Variants in TMEM63C observed in about 807,000 individuals in gnomAD.
The protein encoded by TMEM63C is transmembrane protein 63C, also known as osmosensitive cation channel TMEM63C.
A neutral mutation model predicts 99.2 loss-of-function variants in TMEM63C; 32 were observed. The observed-to-expected ratio is 0.32, with a 90% CI of 0.24 to 0.43. TMEM63C has a LOEUF of 0.43. TMEM63C is among the 20% of genes least tolerant of loss of function. The pLI is 1.00. For synonymous variants in TMEM63C, 376 were observed against 397.9 expected, an observed-to-expected ratio of 0.94 and a Z score of 0.66; for missense variants, 826 against 1,053.0, an observed-to-expected ratio of 0.78 and a Z score of 2.98.
chr14:77,190,205 A>C (rs1278838038), intron 1 of TMEM63C, among the ~76,000 whole-genome samples: 1 of 152,144 alleles, frequency 6.6e-6, no homozygotes, highest in Non-Finnish European at 1.5e-5. Flanking sequence ...TTTTGGGAAA[A>C]TGTAAATCAT....
At chr14:77,188,328 G>A (rs1404085593) in intron 1 of TMEM63C, among the ~76,000 whole-genome samples, 1 of 152,192 alleles carries the variant, frequency 6.6e-6, no homozygotes, top group Admixed American at 6.5e-5. Flanking sequence ...AGTAGTTCAT[G>A]GGGAATGGTG....
In TMEM63C at chr14:77,230,727, C is replaced by A. The variant is rs1437026188; in HGVS notation, c.351-861C>A. 9.2e-5 allele frequency among the ~76,000 whole-genome samples: 14 copies of A among 152,252 alleles called. No individual in the cohort carries two copies. The South Asian group carries it at 1.2e-3, about 14-fold the overall frequency. On this transcript the variant is annotated intron_variant, in intron 6 of 23. Coordinates refer to ENST00000298351, the MANE Select transcript of TMEM63C (RefSeq NM_020431.4). ...GTTTCATCCCAAAATTATCTGCCCC[C>A]CCACCACCCCACACCCAGGTCCATG...
At chr14:77,227,079 C>T (rs944313715) in intron 6 of TMEM63C, among the ~76,000 whole-genome samples, 1 of 152,178 alleles carries the variant, frequency 6.6e-6, no homozygotes, top group Admixed American at 6.5e-5. Flanking sequence ...CAGCTGGGAC[C>T]TTGGCTGGCA....
chr14:77,239,582 C>T lies in TMEM63C; in HGVS notation c.807-21C>T, dbSNP rs761459112. 3 of 1,613,208 alleles carry T rather than the reference C, an allele frequency of 1.9e-6. No homozygotes were observed. In the Admixed American group the frequency reaches 5.0e-5, roughly 27 times the overall value. On this transcript the variant is annotated intron_variant, in intron 11 of 23. Transcript: ENST00000298351. ...TGGCCCCTGACCTGCAGGTCCTTCT[C>T]CTGTTGCCCACCGCTGGCAGGCGCC...
chr14:77,239,568 C>T, intron 11 of TMEM63C, 35 bp from the exon 12 acceptor site: 1 of 1,612,896 alleles, frequency 6.2e-7, no homozygotes, highest in South Asian at 1.1e-5. Flanking sequence ...GGCCCCTGAC[C>T]TGCAGGTCCT....
In TMEM63C at chr14:77,225,472, G is replaced by T. The variant is rs569933855; in HGVS notation, c.350+11G>T. The T allele has an allele frequency of 2.5e-6, 4 of 1,612,608 alleles. No homozygotes were observed. The highest frequency in any genetic ancestry group is 2.2e-5 in the South Asian group (2 of 90,964). On this transcript the variant is annotated intron_variant, in intron 6 of 23. Transcript: ENST00000298351. ...CAGCATAACAATGAAGTAAGTGCCC[G>T]GGCTCTGTGAGCTTGTGACCGTGTT...
At chr14:77,226,408 G>A (rs1383827621) in intron 6 of TMEM63C, among the ~76,000 whole-genome samples, 4 of 152,336 alleles carry the variant, frequency 2.6e-5, no homozygotes, top group African/African-American at 7.2e-5. Context: ...GTCAAGTAGC[G>A]TCCCCGTGCA....
Position 77,248,433 on chromosome 14 carries a change from G to A in TMEM63C, c.1688G>A (p.Arg563His), listed in dbSNP as rs374646311. Residue 563 changes from arginine (R) to histidine (H), a missense_variant, in exon 19 of 24, where the codon CGT becomes CAT. Physicochemically the swap from Arg to His is conservative, Grantham distance 29 (BLOSUM62 0). Coordinates refer to ENST00000298351, the MANE Select transcript of TMEM63C (RefSeq NM_020431.4). ...CTTGGCACAGGCATGGAGCTGCTGC[G>A]TCTGGGGTCACTCTTCTGCTACAGC... The part of the protein sequence containing the change: ...ALLGTGMELL[R>H]LGSLFCYSTR... 42 of 1,588,760 alleles carry A rather than the reference G, an allele frequency of 2.6e-5. No individual in the cohort carries two copies. The highest frequency in any genetic ancestry group is 1.6e-4 in the African/African-American group (12 of 74,116).
At chr14:77,222,270 C>T (rs1888736957) in intron 5 of TMEM63C, among the ~76,000 whole-genome samples, 1 of 152,142 alleles carries the variant, frequency 6.6e-6, no homozygotes, top group African/African-American at 2.4e-5. Context: ...CCCAGGGTCT[C>T]CTCTCCCTCT....
At chr14:77,242,179 C>T (rs1889188775) in intron 13 of TMEM63C, among the ~76,000 whole-genome samples, 168 bp from the exon 14 acceptor site, 1 of 152,180 alleles carries the variant, frequency 6.6e-6, no homozygotes, top group African/African-American at 2.4e-5. Context: ...GAACTGTCCA[C>T]CTCTAAGGTC....
intron 1 of TMEM63C, among the ~76,000 whole-genome samples, chr14:77,187,736 G>A (rs1338164261): frequency 6.6e-6 from 1 of 152,252 alleles, no homozygotes; most frequent in Non-Finnish European, 1.5e-5. Context: ...AGGGAAGTGA[G>A]TGGGAAGAGC....
chr14:77,219,000 C>G lies in TMEM63C; in HGVS notation c.150+37C>G, dbSNP rs77102473. The G allele has an allele frequency of 3.3e-4, 494 of 1,493,562 alleles. 5 individuals are homozygous for G. In the African/African-American group the frequency reaches 6.3e-3, roughly 19 times the overall value. The allele number at this position is 1,493,562 out of a possible 1,614,324, so 92.5% of individuals were successfully genotyped here. A position where few individuals can be genotyped will look rare whatever the true frequency, so the allele number is the denominator to read the frequency against. ...GCACTGCAGGAGGCAGACAGTAAAGCCTCAGACAGGGTCGAACTTTCACAG... is the reference window on the plus strand; with the variant it reads ...GCACTGCAGGAGGCAGACAGTAAAGGCTCAGACAGGGTCGAACTTTCACAG... On this transcript the variant is annotated intron_variant, in intron 3 of 23. Transcript: ENST00000298351.
At chr14:77,232,576 C>A (rs1315091118) in intron 7 of TMEM63C, among the ~76,000 whole-genome samples, 1 of 152,222 alleles carries the variant, frequency 6.6e-6, no homozygotes, top group Admixed American at 6.5e-5. Context: ...GCATGAGCCA[C>A]CGCACCTGGC....
chr14:77,239,307 G>A (rs1889114342), intron 10 of TMEM63C, 105 bp from the exon 11 acceptor site: 1 of 1,110,406 alleles, frequency 9.0e-7, no homozygotes, highest in Non-Finnish European at 1.4e-6. Flanking sequence ...GGAACACCAG[G>A]CAGCTGAGCC....
intron 23 of TMEM63C, among the ~76,000 whole-genome samples, chr14:77,254,548 ATCT>A (rs1889429663): frequency 6.6e-6 from 1 of 152,142 alleles, no homozygotes; most frequent in Non-Finnish European, 1.5e-5. Context: ...AGTTTTTGAA[ATCT>A]TCTTATGAGC....
At chr14:77,188,188 A>T (rs1888036397) in intron 1 of TMEM63C, among the ~76,000 whole-genome samples, 1 of 152,090 alleles carries the variant, frequency 6.6e-6, no homozygotes, top group Non-Finnish European at 1.5e-5. Context: ...CCCTCCCTGG[A>T]TCTCAGCCAG....
chr14:77,259,266 A>G lies in TMEM63C; in HGVS notation c.*2540A>G, dbSNP rs1889538969. On this transcript the variant is annotated 3_prime_UTR_variant, in exon 24 of 24. Transcript: ENST00000298351. ...GGAACCGGTATTGCCTAGAGCCTCC[A>G]GGAGGGGCCCTCCTCAGGCCTCCAG... 1 of 152,456 alleles carries G rather than the reference A, an allele frequency of 6.6e-6. No homozygotes were observed. The highest frequency in any genetic ancestry group is 1.5e-5 in the Non-Finnish European group (1 of 68,270). The allele number at this position is 152,456 out of a possible 1,614,324, so 9.4% of individuals were successfully genotyped here. A position where few individuals can be genotyped will look rare whatever the true frequency, so the allele number is the denominator to read the frequency against.
At chr14:77,239,080 A>C (rs1889110722) in intron 10 of TMEM63C, among the ~76,000 whole-genome samples, 1 of 152,212 alleles carries the variant, frequency 6.6e-6, no homozygotes, top group Admixed American at 6.5e-5. Context: ...GATCATCTGG[A>C]GACATCCTTT....
At chr14:77,238,817 C>A (rs908986850) in intron 10 of TMEM63C, 50 bp downstream of exon 10, 2 of 1,469,684 alleles carry the variant, frequency 1.4e-6, no homozygotes, top group African/African-American at 2.8e-5. Flanking sequence ...TCCCCATAAC[C>A]CCGCCTGGGT....
Sources: allele counts gnomAD v4.1 joint callset (sites outside exome capture counted in the v4.1 genomes callset), GRCh38; gene constraint gnomAD v4.1.1; transcripts MANE v1.5; gene names NCBI Gene and HGNC (gene_info 2026-07-23, HGNC 2026-07-21).